GPR27: variants seen among roughly 807,000 people sequenced by gnomAD.
The protein encoded by GPR27 is G protein-coupled receptor 27.
A neutral mutation model predicts 2.4 loss-of-function variants in GPR27; 3 were observed. The ratio of observed to expected loss-of-function variants is 1.23; its 90% CI spans 0.56 to 3.18. The LOEUF (loss-of-function observed/expected upper bound fraction) is 3.18. Among genes scored for constraint, GPR27 ranks in the 30% most tolerant of loss-of-function variants. The pLI, the probability that GPR27 is intolerant of heterozygous loss-of-function variation, is 0.03. For synonymous variants in GPR27, 367 were observed against 296.4 expected, an observed-to-expected ratio of 1.24 and a Z score of -2.45; for missense variants, 526 against 566.1, an observed-to-expected ratio of 0.93 and a Z score of 0.72.
chr3:71,754,982 G>A lies in GPR27; in HGVS notation c.933G>A (p.Arg311=), dbSNP rs1346334968. ...CCAGCTACCTGCGGGTCCTGGTGCGGCCCGGCGCCGTCCCCCAGGCCTACC... is the reference window on the plus strand; with the variant it reads ...CCAGCTACCTGCGGGTCCTGGTGCGACCCGGCGCCGTCCCCCAGGCCTACC... ...VVASYLRVLV[R]PGAVPQAYLT... Residue 311 remains arginine (R), a synonymous_variant, in exon 1 of 1, where the codon CGG becomes CGA. Coordinates refer to ENST00000304411, the MANE Select transcript of GPR27 (RefSeq NM_018971.3). The surrounding 1 kb of genome is among the most constrained non-coding windows in gnomAD (Gnocchi z 5.8). 6.2e-7 allele frequency: 1 copy of A among 1,613,230 alleles called. No homozygotes were observed. Among genetic ancestry groups the A allele is most frequent in the South Asian group, 1.1e-5 (1 of 91,062 alleles).
Position 71,755,008 on chromosome 3 carries a change from T to G in GPR27, c.959T>G (p.Leu320Arg). The change falls in exon 1 of 1, where the codon CTG (leucine) becomes CGG (arginine). Residue 320 changes from leucine (L) to arginine (R), a missense_variant. Leu to Arg is a moderately radical substitution (Grantham distance 102). Coordinates refer to ENST00000304411, the MANE Select transcript of GPR27 (RefSeq NM_018971.3). The part of the protein sequence containing the change: ...VRPGAVPQAY[L>R]TASVWLTFAQ... ...CCCGGCGCCGTCCCCCAGGCCTACC[T>G]GACGGCCTCCGTGTGGCTGACCTTC... is the stretch of plus-strand genomic sequence containing the variant. The G allele has an allele frequency of 6.2e-7, 1 of 1,613,190 alleles. No homozygotes were observed. Among genetic ancestry groups the G allele is most frequent in the Non-Finnish European group, 8.5e-7 (1 of 1,179,912 alleles).
Position 71,754,793 on chromosome 3 carries a change from C to G in GPR27, c.744C>G (p.Arg248=), listed in dbSNP as rs1559619597. ...AAANWTAGFG[R]GPTPPALVGI... is the part of the protein sequence containing the mutation. ...CCAACTGGACGGCGGGCTTCGGCCGCGGGCCCACGCCGCCCGCGCTTGTGG... is the reference window on the plus strand; with the variant it reads ...CCAACTGGACGGCGGGCTTCGGCCGGGGGCCCACGCCGCCCGCGCTTGTGG... Residue 248 remains arginine, a synonymous_variant, in exon 1 of 1, where the codon CGC becomes CGG. Transcript: ENST00000304411. The surrounding 1 kb of genome is among the most constrained non-coding windows in gnomAD (Gnocchi z 5.8). 3.2e-6 allele frequency: 4 copies of G among 1,265,374 alleles called. No individual in the cohort carries two copies. The highest frequency in any genetic ancestry group is 3.0e-6 in the Non-Finnish European group (3 of 1,006,982). The allele number at this position is 1,265,374 out of a possible 1,614,324, so 78.4% of individuals were successfully genotyped here. A position where few individuals can be genotyped will look rare whatever the true frequency, so the allele number is the denominator to read the frequency against.
Position 71,755,109 on chromosome 3 carries a change from C to A in GPR27, c.1060C>A (p.Pro354Thr), listed in dbSNP as rs930599579. 6.2e-7 allele frequency: 1 copy of A among 1,610,154 alleles called. No homozygotes were observed. The highest frequency in any genetic ancestry group is 1.3e-5 in the African/African-American group (1 of 74,910). The stretch of plus-strand genomic sequence containing the variant: ...GAGGGACTGCTTCAGGGCCCAGTTC[C>A]CCTGCTGCCAGAGCCCCCGGACCAC... Reference protein sequence around the residue: ...ELRDCFRAQFPCCQSPRTTQA... With the variant: ...ELRDCFRAQFTCCQSPRTTQA... The change falls in exon 1 of 1, where the codon CCC becomes ACC. Residue 354 changes from proline (P) to threonine (T), a missense_variant. Pro to Thr is a conservative substitution (Grantham distance 38). Around this residue, in one of 3 missense-constraint regions of GPR27, gnomAD observed 116 missense variants for 100.9 expected, o/e 1.15. Transcript: ENST00000304411.
Position 71,754,946 on chromosome 3 carries a change from C to T in GPR27, c.897C>T (p.Pro299=), listed in dbSNP as rs1242979031. The T allele has an allele frequency of 5.6e-6, 9 of 1,613,610 alleles. No individual in the cohort carries two copies. Among genetic ancestry groups the T allele is most frequent in the Non-Finnish European group, 7.6e-6 (9 of 1,179,834 alleles). ...TGCTCTTCCTGCTCCTCTGGGGGCC[C>T]TACGTCGTGGCCAGCTACCTGCGGG... ...VTLLFLLLWG[P]YVVASYLRVL... is the part of the protein sequence containing the mutation. Residue 299 remains proline, a synonymous_variant, in exon 1 of 1, where the codon CCC becomes CCT. Coordinates refer to ENST00000304411, the MANE Select transcript of GPR27 (RefSeq NM_018971.3). This position sits in a 1 kb window ranked among gnomAD's most constrained non-coding sequence, Gnocchi z 5.8.
In GPR27 at chr3:71,755,012, G is replaced by C. The variant is rs769302324; in HGVS notation, c.963G>C (p.Thr321=). ...GCGCCGTCCCCCAGGCCTACCTGACGGCCTCCGTGTGGCTGACCTTCGCGC... is the reference window on the plus strand; with the variant it reads ...GCGCCGTCCCCCAGGCCTACCTGACCGCCTCCGTGTGGCTGACCTTCGCGC... The part of the protein sequence containing the change: ...RPGAVPQAYL[T]ASVWLTFAQA... The change falls in exon 1 of 1, where the codon ACG becomes ACC. Residue 321 remains threonine (T), a synonymous_variant. Transcript: ENST00000304411. 1 of 1,613,168 alleles carries C rather than the reference G, an allele frequency of 6.2e-7. No homozygotes were observed. Among genetic ancestry groups the C allele is most frequent in the African/African-American group, 1.3e-5 (1 of 75,010 alleles).
In GPR27 at chr3:71,755,460, A is replaced by C. The variant is rs1416754571; in HGVS notation, c.*283A>C. On this transcript the variant is annotated 3_prime_UTR_variant, in exon 1 of 1. Coordinates refer to ENST00000304411, the MANE Select transcript of GPR27 (RefSeq NM_018971.3). ...TAGCGGTACTGACGTCTTTTATTCCATGTGTGGTTCCTTTTTTTCTTTTTC... is the reference window on the plus strand; with the variant it reads ...TAGCGGTACTGACGTCTTTTATTCCCTGTGTGGTTCCTTTTTTTCTTTTTC... 1 of 395,014 alleles carries C rather than the reference A, an allele frequency of 2.5e-6. No individual in the cohort carries two copies. The highest frequency in any genetic ancestry group is 4.5e-6 in the Non-Finnish European group (1 of 221,594). The allele number at this position is 395,014 out of a possible 1,614,324, so 24.5% of individuals were successfully genotyped here.
At position 71,753,972 on chromosome 3, in the gene GPR27, GCTC is replaced by G; in HGVS notation, c.-77_-75del. The stretch of plus-strand genomic sequence containing the variant: ...CGCCCAGGGCCGGCGGAGCGGCGGA[GCTC>G]GGGCCGGGCGGCCTGCGGGAGCGGC... On this transcript the variant is annotated 5_prime_UTR_variant, in exon 1 of 1. Coordinates refer to ENST00000304411, the MANE Select transcript of GPR27 (RefSeq NM_018971.3). 2 of 1,039,596 alleles carry G rather than the reference GCTC, an allele frequency of 1.9e-6. No individual in the cohort carries two copies. The highest frequency in any genetic ancestry group is 2.3e-6 in the Non-Finnish European group (2 of 866,464). The allele number at this position is 1,039,596 out of a possible 1,614,324, so 64.4% of individuals were successfully genotyped here.
In GPR27 at chr3:71,755,461, T is replaced by C. The variant is rs1373705997; in HGVS notation, c.*284T>C. On this transcript the variant is annotated 3_prime_UTR_variant, in exon 1 of 1. Transcript: ENST00000304411. ...AGCGGTACTGACGTCTTTTATTCCA[T>C]GTGTGGTTCCTTTTTTTCTTTTTCT... is the stretch of plus-strand genomic sequence containing the variant. The C allele has an allele frequency of 2.5e-6, 1 of 396,514 alleles. No homozygotes were observed. Among genetic ancestry groups the C allele is most frequent in the African/African-American group, 2.1e-5 (1 of 48,692 alleles). The allele number at this position is 396,514 out of a possible 1,614,324, so 24.6% of individuals were successfully genotyped here.
rs774289823 is a variant in GPR27 at position 71,754,059 on chromosome 3, G to A, written c.10G>A (p.Ala4Thr). 4 of 1,274,578 alleles carry A rather than the reference G, an allele frequency of 3.1e-6. No individual in the cohort carries two copies. In the South Asian group the frequency reaches 5.0e-5, roughly 16 times the overall value. 79.0% of individuals were successfully genotyped at this position (1,274,578 alleles called of 1,614,324 possible). MANASEPGGSGGGE... is the reference protein window; with the variant it reads MANTSEPGGSGGGE... ...GCCTGGTGAGGCCGCGATGGCGAAC[G>A]CGAGCGAGCCGGGTGGCAGCGGCGG... The change falls in exon 1 of 1, where the codon GCG (alanine) becomes ACG (threonine). Residue 4 changes from alanine (A) to threonine (T), a missense_variant. This residue lies in a region of GPR27 where 312 missense variants were observed against 318.4 expected (regional missense o/e 0.98). Coordinates refer to ENST00000304411, the MANE Select transcript of GPR27 (RefSeq NM_018971.3). The surrounding 1 kb of genome is among the most constrained non-coding windows in gnomAD (Gnocchi z 5.8).
At position 71,754,150 on chromosome 3, in the gene GPR27, C is replaced by T. The variant is rs774453916; in HGVS notation, c.101C>T (p.Ala34Val). ...AGCCTGCTGCTGTGCGTGAGCCTAG[C>T]GGGCAACGTGCTGTTCGCGCTGCTG... is the stretch of plus-strand genomic sequence containing the variant. ...TLSLLLCVSL[A>V]GNVLFALLIV... Residue 34 changes from alanine to valine, a missense_variant, in exon 1 of 1, where the codon GCG becomes GTG. By Grantham distance (64) the Ala-to-Val change is moderately conservative (BLOSUM62 0). Transcript: ENST00000304411. The surrounding 1 kb of genome is among the most constrained non-coding windows in gnomAD (Gnocchi z 5.8). 5 of 1,459,142 alleles carry T rather than the reference C, an allele frequency of 3.4e-6. No homozygotes were observed. Among genetic ancestry groups the T allele is most frequent in the Admixed American group, 4.0e-5 (2 of 49,674 alleles). 90.4% of individuals were successfully genotyped at this position (1,459,142 alleles called of 1,614,324 possible).
Position 71,754,801 on chromosome 3 carries a change from C to G in GPR27, c.752C>G (p.Thr251Arg). The G allele has an allele frequency of 7.3e-7, 1 of 1,361,310 alleles. No individual in the cohort carries two copies. The highest frequency in any genetic ancestry group is 9.5e-7 in the Non-Finnish European group (1 of 1,057,882). The allele number at this position is 1,361,310 out of a possible 1,614,324, so 84.3% of individuals were successfully genotyped here. The change falls in exon 1 of 1, where the codon ACG (threonine) becomes AGG (arginine). Residue 251 changes from threonine to arginine, a missense_variant. Around this residue, in one of 3 missense-constraint regions of GPR27, gnomAD observed 98 missense variants for 146.7 expected, o/e 0.67. Transcript: ENST00000304411. The surrounding 1 kb of genome is among the most constrained non-coding windows in gnomAD (Gnocchi z 5.8). ...NWTAGFGRGP[T>R]PPALVGIRPA... ...ACGGCGGGCTTCGGCCGCGGGCCCACGCCGCCCGCGCTTGTGGGCATCCGG... is the reference window on the plus strand; with the variant it reads ...ACGGCGGGCTTCGGCCGCGGGCCCAGGCCGCCCGCGCTTGTGGGCATCCGG...
chr3:71,754,691 G>A lies in GPR27; in HGVS notation c.642G>A (p.Met214Ile). 6.7e-7 allele frequency: 1 copy of A among 1,495,882 alleles called. No individual in the cohort carries two copies. The highest frequency in any genetic ancestry group is 8.9e-7 in the Non-Finnish European group (1 of 1,128,388). The allele number at this position is 1,495,882 out of a possible 1,614,324, so 92.7% of individuals were successfully genotyped here. ...LLFFIHDRRK[M>I]RPARLVPAVS... ...TCTTCATCCACGACCGCCGCAAGATGCGGCCCGCGCGCCTGGTGCCCGCCG... is the reference window on the plus strand; with the variant it reads ...TCTTCATCCACGACCGCCGCAAGATACGGCCCGCGCGCCTGGTGCCCGCCG... Residue 214 changes from methionine (M) to isoleucine (I), a missense_variant, in exon 1 of 1, where the codon ATG (methionine) becomes ATA (isoleucine). By Grantham distance (10) the Met-to-Ile change is conservative. Coordinates refer to ENST00000304411, the MANE Select transcript of GPR27 (RefSeq NM_018971.3). The surrounding 1 kb of genome is among the most constrained non-coding windows in gnomAD (Gnocchi z 5.8).
chr3:71,754,383 C>A lies in GPR27; in HGVS notation c.334C>A (p.Leu112Met). Residue 112 changes from leucine (L) to methionine (M), a missense_variant, in exon 1 of 1, where the codon CTG becomes ATG. Transcript: ENST00000304411. The surrounding 1 kb of genome is among the most constrained non-coding windows in gnomAD (Gnocchi z 5.8). ...GCTCTTCTGCTTCCACGCCGCCTTC[C>A]TGCTGCTGGGCGTGGGCGTCACCCG... The part of the protein sequence containing the change: ...AALFCFHAAF[L>M]LLGVGVTRYL... 1 of 1,344,438 alleles carries A rather than the reference C, an allele frequency of 7.4e-7. No homozygotes were observed. The highest frequency in any genetic ancestry group is 9.6e-7 in the Non-Finnish European group (1 of 1,038,182). 83.3% of individuals were successfully genotyped at this position (1,344,438 alleles called of 1,614,324 possible). A position where few individuals can be genotyped will look rare whatever the true frequency, so the allele number is the denominator to read the frequency against.
chr3:71,754,654 T>A lies in GPR27; in HGVS notation c.605T>A (p.Leu202His). 6.7e-7 allele frequency: 1 copy of A among 1,499,348 alleles called. No homozygotes were observed. The highest frequency in any genetic ancestry group is 2.0e-5 in the Admixed American group (1 of 49,562). 92.9% of individuals were successfully genotyped at this position (1,499,348 alleles called of 1,614,324 possible). Residue 202 changes from leucine (L) to histidine (H), a missense_variant, in exon 1 of 1, where the codon CTC becomes CAC. Around this residue, in one of 3 missense-constraint regions of GPR27, gnomAD observed 312 missense variants for 318.4 expected, o/e 0.98. Transcript: ENST00000304411. This position sits in a 1 kb window ranked among gnomAD's most constrained non-coding sequence, Gnocchi z 5.8. ...VVVGATHLVYLRLLFFIHDRR... is the reference protein window; with the variant it reads ...VVVGATHLVYHRLLFFIHDRR... ...GTGGGCGCCACGCACCTCGTCTACCTCCGCCTGCTCTTCTTCATCCACGAC... is the reference window on the plus strand; with the variant it reads ...GTGGGCGCCACGCACCTCGTCTACCACCGCCTGCTCTTCTTCATCCACGAC...
Position 71,754,195 on chromosome 3 carries a change from T to A in GPR27, c.146T>A (p.Leu49Gln). The A allele has an allele frequency of 7.0e-7, 1 of 1,418,786 alleles. No homozygotes were observed. Among genetic ancestry groups the A allele is most frequent in the Non-Finnish European group, 9.3e-7 (1 of 1,071,788 alleles). The allele number at this position is 1,418,786 out of a possible 1,614,324, so 87.9% of individuals were successfully genotyped here. A position where few individuals can be genotyped will look rare whatever the true frequency, so the allele number is the denominator to read the frequency against. ...CTGCTGATCGTGCGGGAGCGCAGCC[T>A]GCACCGCGCCCCGTACTACCTGCTG... The part of the protein sequence containing the change: ...FALLIVRERS[L>Q]HRAPYYLLLD... Residue 49 changes from leucine to glutamine, a missense_variant, in exon 1 of 1, where the codon CTG (leucine) becomes CAG (glutamine). Physicochemically the swap from Leu to Gln is moderately radical, Grantham distance 113. Coordinates refer to ENST00000304411, the MANE Select transcript of GPR27 (RefSeq NM_018971.3). The surrounding 1 kb of genome is among the most constrained non-coding windows in gnomAD (Gnocchi z 5.8).
chr3:71,755,967 A>G lies in GPR27; in HGVS notation c.*790A>G, dbSNP rs1281415329. The G allele has an allele frequency of 1.3e-5, 2 of 152,254 alleles. No individual in the cohort carries two copies. The highest frequency in any genetic ancestry group is 2.4e-5 in the African/African-American group (1 of 41,448). 9.4% of individuals were successfully genotyped at this position (152,254 alleles called of 1,614,324 possible). On this transcript the variant is annotated 3_prime_UTR_variant, in exon 1 of 1. Transcript: ENST00000304411. ...AAAGAGTAAAGTGTTTTGGTTAGTAATGATGTGGAGAAAAATACAGTATTG... is the reference window on the plus strand; with the variant it reads ...AAAGAGTAAAGTGTTTTGGTTAGTAGTGATGTGGAGAAAAATACAGTATTG...
chr3:71,754,253 G>T lies in GPR27; in HGVS notation c.204G>T (p.Ala68=). The stretch of plus-strand genomic sequence containing the variant: ...TGTGCCTGGCCGACGGGCTGCGCGC[G>T]CTCGCCTGCCTCCCGGCCGTCATGC... The part of the protein sequence containing the change: ...LDLCLADGLR[A]LACLPAVMLA... Residue 68 remains alanine, a synonymous_variant, in exon 1 of 1, where the codon GCG becomes GCT. Coordinates refer to ENST00000304411, the MANE Select transcript of GPR27 (RefSeq NM_018971.3). The surrounding 1 kb of genome is among the most constrained non-coding windows in gnomAD (Gnocchi z 5.8). 1 of 1,275,234 alleles carries T rather than the reference G, an allele frequency of 7.8e-7. No homozygotes were observed. The allele number at this position is 1,275,234 out of a possible 1,614,324, so 79.0% of individuals were successfully genotyped here. A position where few individuals can be genotyped will look rare whatever the true frequency, so the allele number is the denominator to read the frequency against.
rs1242948892 is a variant in GPR27, at chr3:71,754,974, C to T, written c.925C>T (p.Leu309=). 9 of 1,613,116 alleles carry T rather than the reference C, an allele frequency of 5.6e-6. No individual in the cohort carries two copies. The highest frequency in any genetic ancestry group is 7.6e-6 in the Non-Finnish European group (9 of 1,179,832). Residue 309 remains leucine, a synonymous_variant, in exon 1 of 1, where the codon CTG becomes TTG. Transcript: ENST00000304411. This position sits in a 1 kb window ranked among gnomAD's most constrained non-coding sequence, Gnocchi z 5.8. ...CGTCGTGGCCAGCTACCTGCGGGTC[C>T]TGGTGCGGCCCGGCGCCGTCCCCCA... ...PYVVASYLRV[L]VRPGAVPQAY...
At position 71,753,966 on chromosome 3, in the gene GPR27, G is replaced by A. The variant is rs1437758231; in HGVS notation, c.-84G>A. 1.7e-5 allele frequency: 18 copies of A among 1,033,362 alleles called. No individual in the cohort carries two copies. The highest frequency in any genetic ancestry group is 1.9e-5 in the Non-Finnish European group (16 of 862,528). 64.0% of individuals were successfully genotyped at this position (1,033,362 alleles called of 1,614,324 possible). A position where few individuals can be genotyped will look rare whatever the true frequency, so the allele number is the denominator to read the frequency against. ...GGAGCTCGCCCAGGGCCGGCGGAGCGGCGGAGCTCGGGCCGGGCGGCCTGC... is the reference window on the plus strand; with the variant it reads ...GGAGCTCGCCCAGGGCCGGCGGAGCAGCGGAGCTCGGGCCGGGCGGCCTGC... On this transcript the variant is annotated 5_prime_UTR_variant, in exon 1 of 1. Transcript: ENST00000304411.
Sources: allele counts gnomAD v4.1 joint callset, GRCh38; gene constraint gnomAD v4.1.1; regional missense constraint gnomAD v4.1.1; non-coding constraint Gnocchi (gnomAD v3.1); transcripts MANE v1.5; gene names NCBI Gene and HGNC (gene_info 2026-07-23, HGNC 2026-07-21).